Variants in MAPK10 observed in about 807,000 individuals in gnomAD.
MAPK10 encodes the protein mitogen-activated protein kinase 10, also known as JNK3 alpha protein kinase.
A neutral mutation model predicts 59.3 loss-of-function variants in MAPK10; 25 were observed. The observed-to-expected ratio is 0.42, with a 90% CI of 0.31 to 0.59. The LOEUF is 0.59. Among genes scored for constraint, MAPK10 ranks in the 20% least tolerant of loss-of-function variants. MAPK10 has a pLI of 0.15. For synonymous variants in MAPK10, 190 were observed against 200.5 expected, an observed-to-expected ratio of 0.95 and a Z score of 0.44; for missense variants, 351 against 568.9, an observed-to-expected ratio of 0.62 and a Z score of 3.90.
At position 86,240,999 on chromosome 4, in the gene MAPK10, C is replaced by T. The variant is rs901316289; in HGVS notation, c.-6-46592G>A. ...TGGTTTTTCCTTTTCATATTTAGTG[C>T]TTCTTTCAGGAGCTCTTGCAGGGCA... On this transcript the variant is annotated intron_variant, in intron 2 of 13. Transcript: ENST00000641462. Among the ~76,000 whole-genome samples the T allele has an allele frequency of 2.6e-5, 4 of 152,016 alleles. No homozygotes were observed. In the South Asian group the frequency reaches 6.2e-4, roughly 24 times the overall value.
At chr4:86,222,617 C>T (rs2089880839) in intron 2 of MAPK10, among the ~76,000 whole-genome samples, 1 of 152,192 alleles carries the variant, frequency 6.6e-6, no homozygotes, top group Non-Finnish European at 1.5e-5. Flanking sequence ...GTATTTATAG[C>T]CTTTGCAGAC....
intron 1 of MAPK10, among the ~76,000 whole-genome samples, chr4:86,505,479 C>G (rs1755674949): frequency 6.6e-6 from 1 of 151,854 alleles, no homozygotes; most frequent in African/African-American, 2.4e-5. Flanking sequence ...ATCTGTAATC[C>G]CAGCTTATCA....
At chr4:86,198,147 A>G (rs1332415794) in intron 2 of MAPK10, among the ~76,000 whole-genome samples, 1 of 152,172 alleles carries the variant, frequency 6.6e-6, no homozygotes, top group Non-Finnish European at 1.5e-5. Context: ...AGTTTGTTCC[A>G]GACCATCTTG....
intron 1 of MAPK10, among the ~76,000 whole-genome samples, chr4:86,474,757 A>C (rs964941616): frequency 6.6e-6 from 1 of 152,234 alleles, no homozygotes; most frequent in African/African-American, 2.4e-5. Flanking sequence ...GAAGGAATTA[A>C]TAAATGAGTG....
rs887502251 is a variant in MAPK10, at chr4:86,013,569, T to G, written c.*3659A>C. The G allele has an allele frequency of 6.6e-6, 1 of 152,222 alleles. No homozygotes were observed. Among genetic ancestry groups the G allele is most frequent in the African/African-American group, 2.4e-5 (1 of 41,448 alleles). 9.4% of individuals were successfully genotyped at this position (152,222 alleles called of 1,614,324 possible). On this transcript the variant is annotated 3_prime_UTR_variant, in exon 14 of 14. Coordinates refer to ENST00000641462, the MANE Select transcript of MAPK10 (RefSeq NM_138982.4). ...TATAATTTAGGTTTTGCAATGAATA[T>G]TTACAATTTTAAAACAAATCAAGTT...
intron 1 of MAPK10, among the ~76,000 whole-genome samples, chr4:86,439,683 T>C (rs1442003822): frequency 6.6e-6 from 1 of 152,218 alleles, no homozygotes; most frequent in African/African-American, 2.4e-5. Context: ...TTTTTGAAAG[T>C]GTCTGTAGTA....
chr4:86,075,327 C>T (rs567441994), intron 9 of MAPK10, among the ~76,000 whole-genome samples: 7 of 151,960 alleles, frequency 4.6e-5, no homozygotes, highest in Non-Finnish European at 8.8e-5. Flanking sequence ...AACTTCTTTG[C>T]CTTTGGTTTG....
chr4:86,295,860 G>A (rs1450805590), intron 2 of MAPK10, among the ~76,000 whole-genome samples: 1 of 149,502 alleles, frequency 6.7e-6, no homozygotes, highest in Non-Finnish European at 1.5e-5. Flanking sequence ...GCTCAAAGCG[G>A]AAAACAAAAC....
At position 86,067,958 on chromosome 4, in the gene MAPK10, G is replaced by A; in HGVS notation, c.803-3C>T. The A allele has an allele frequency of 6.3e-7, 1 of 1,598,006 alleles. No individual in the cohort carries two copies. Among genetic ancestry groups the A allele is most frequent in the Non-Finnish European group, 8.5e-7 (1 of 1,170,502 alleles). ...TACCTTATTCCACTGGTCAATATCTGAGAATTGAACAGTTAAGGGAAAAAA... is the reference window on the plus strand; with the variant it reads ...TACCTTATTCCACTGGTCAATATCTAAGAATTGAACAGTTAAGGGAAAAAA... On this transcript the variant is annotated splice_region_variant and splice_polypyrimidine_tract_variant and intron_variant, in intron 9 of 13. Transcript: ENST00000641462.
At chr4:86,149,369 C>G (rs534443790) in intron 4 of MAPK10, among the ~76,000 whole-genome samples, 1 of 152,146 alleles carries the variant, frequency 6.6e-6, no homozygotes, top group South Asian at 2.1e-4. Flanking sequence ...CAGGTTCAAG[C>G]GATTCTCCCG....
At chr4:86,142,050 C>T (rs1020676828) in intron 4 of MAPK10, among the ~76,000 whole-genome samples, 11 of 152,122 alleles carry the variant, frequency 7.2e-5, no homozygotes, top group Non-Finnish European at 1.5e-4. Context: ...AGAATTAATC[C>T]AATCTCTCAA....
chr4:86,429,692 A>T (rs999129595), intron 1 of MAPK10: 5 of 152,194 alleles, frequency 3.3e-5, no homozygotes, highest in Admixed American at 2.0e-4. Flanking sequence ...AGTCCCAGCC[A>T]TTGGGAAGGC....
intron 1 of MAPK10, among the ~76,000 whole-genome samples, chr4:86,431,614 AG>A (rs1748055013): frequency 1.3e-5 from 2 of 152,234 alleles, no homozygotes; most frequent in Admixed American, 1.3e-4. Context: ...TCCTTGTTAA[AG>A]TTTGCAGCCA....
intron 11 of MAPK10, among the ~76,000 whole-genome samples, chr4:86,035,735 G>A (rs1427313943): frequency 6.6e-6 from 1 of 152,176 alleles, no homozygotes; most frequent in Non-Finnish European, 1.5e-5. Context: ...GAAGATGATC[G>A]TGTTGGTGAA....
chr4:86,384,387 C>T (rs1741183894), intron 1 of MAPK10, among the ~76,000 whole-genome samples: 1 of 152,124 alleles, frequency 6.6e-6, no homozygotes, highest in Non-Finnish European at 1.5e-5. Flanking sequence ...AAACAAACAG[C>T]AAGAAGGCCA....
rs1272229045 is a variant in MAPK10, at chr4:86,031,525, C to T, written c.1111-94G>A. The T allele has an allele frequency of 5.7e-5, 49 of 861,404 alleles. 1 individual carries two copies. The highest frequency in any genetic ancestry group is 5.2e-4 in the East Asian group (21 of 40,116). The allele number at this position is 861,404 out of a possible 1,614,324, so 53.4% of individuals were successfully genotyped here. Reference sequence around the variant, plus strand: ...GAGAATACCTTGCCCTCATTTATTTCGGTGATTTCAACCGTATATAAGTTA... The same window carrying T: ...GAGAATACCTTGCCCTCATTTATTTTGGTGATTTCAACCGTATATAAGTTA... On this transcript the variant is annotated intron_variant, in intron 11 of 13. Transcript: ENST00000641462.
chr4:86,169,429 G>A (rs1226331235), intron 3 of MAPK10, among the ~76,000 whole-genome samples: 1 of 152,210 alleles, frequency 6.6e-6, no homozygotes, highest in Non-Finnish European at 1.5e-5. Flanking sequence ...AGAAGCCTCA[G>A]GAGCCGATGC....
At chr4:86,576,049 A>G (rs1761864055) in intron 1 of MAPK10, among the ~76,000 whole-genome samples, 1 of 149,476 alleles carries the variant, frequency 6.7e-6, no homozygotes, top group African/African-American at 2.4e-5. Flanking sequence ...GCTGGAGTGC[A>G]GTGATGCTCA....
intron 1 of MAPK10, among the ~76,000 whole-genome samples, chr4:86,403,164 A>G (rs1743934688): frequency 6.6e-6 from 1 of 152,168 alleles, no homozygotes; most frequent in African/African-American, 2.4e-5. Flanking sequence ...GTGCTGGATG[A>G]TATGGGAAAA....
Sources: allele counts gnomAD v4.1 joint callset (sites outside exome capture counted in the v4.1 genomes callset), GRCh38; gene constraint gnomAD v4.1.1; transcripts MANE v1.5; gene names NCBI Gene and HGNC (gene_info 2026-07-23, HGNC 2026-07-21).